The following APBB2 variants were observed in gnomAD, a reference collection of about 807,000 sequenced individuals.
APBB2 encodes Fe65-like 1.
A neutral mutation model predicts 82.5 loss-of-function variants in APBB2; 38 were observed. That is an observed-to-expected ratio of 0.46 (90% CI 0.36 to 0.60). APBB2 has a LOEUF of 0.60. Ranked by LOEUF, APBB2 falls within the 20% of genes least tolerant of loss-of-function variation. The pLI, the probability that APBB2 is intolerant of heterozygous loss-of-function variation, is 0.00. For missense variants in APBB2, 772 were observed against 972.3 expected (o/e 0.79, Z 2.74); for synonymous variants, 341 against 368.2 (o/e 0.93, Z 0.85).
chr4:40,936,876 G>T (rs1448972346), intron 7 of APBB2, among the ~76,000 whole-genome samples: 2 of 152,142 alleles, frequency 1.3e-5, no homozygotes, highest in Non-Finnish European at 2.9e-5. Flanking sequence ...GAGGAGCTAT[G>T]AACCCCTGAA....
chr4:41,180,931 G>A (rs1195748954), intron 1 of APBB2, among the ~76,000 whole-genome samples: 1 of 116,032 alleles, frequency 8.6e-6, no homozygotes, highest in Non-Finnish European at 1.8e-5. Flanking sequence ...ATGAACCCCT[G>A]AAAGAAGTCC....
chr4:40,843,563 AT>A, intron 12 of APBB2, among the ~76,000 whole-genome samples: 1 of 152,254 alleles, frequency 6.6e-6, no homozygotes, highest in Non-Finnish European at 1.5e-5. Flanking sequence ...TGGAAAGAGG[AT>A]TATGGAGGAT....
At chr4:41,086,883 G>T (rs1431755368) in intron 3 of APBB2, among the ~76,000 whole-genome samples, 1 of 151,582 alleles carries the variant, frequency 6.6e-6, no homozygotes, top group African/African-American at 2.4e-5. Flanking sequence ...TTTGTTTGCA[G>T]ATGACATAAT....
intron 7 of APBB2, among the ~76,000 whole-genome samples, chr4:40,941,902 G>A (rs1344014014): frequency 6.6e-6 from 1 of 152,202 alleles, no homozygotes; most frequent in Middle Eastern, 3.4e-3. Flanking sequence ...CTCCCAAAGA[G>A]CTGGGATTAC....
intron 1 of APBB2, among the ~76,000 whole-genome samples, chr4:41,160,285 G>T (rs76365003): frequency 1.3e-5 from 2 of 152,222 alleles, no homozygotes; most frequent in South Asian, 4.2e-4. Flanking sequence ...CTTATGAAGT[G>T]ATTAGTCAGA....
intron 10 of APBB2, among the ~76,000 whole-genome samples, chr4:40,896,784 A>C (rs1275872042): frequency 5.3e-5 from 8 of 152,152 alleles, no homozygotes; most frequent in African/African-American, 1.7e-4. Flanking sequence ...TAGACAATAA[A>C]TCATATGATC....
At chr4:40,917,929 G>C (rs1780241726) in intron 10 of APBB2, among the ~76,000 whole-genome samples, 1 of 152,238 alleles carries the variant, frequency 6.6e-6, no homozygotes, top group South Asian at 2.1e-4. Flanking sequence ...TGTTTTAACA[G>C]AGATGAATGG....
At chr4:40,852,028 T>G (rs921997934) in intron 12 of APBB2, among the ~76,000 whole-genome samples, 41 of 152,114 alleles carry the variant, frequency 2.7e-4, no homozygotes, top group African/African-American at 9.2e-4. Flanking sequence ...TATCAATTGT[T>G]GGAACTACAG....
At chr4:40,834,003 C>G (rs941350202) in intron 12 of APBB2, among the ~76,000 whole-genome samples, 1 of 152,180 alleles carries the variant, frequency 6.6e-6, no homozygotes, top group Non-Finnish European at 1.5e-5. Flanking sequence ...TCTTCATTTT[C>G]CTCTGGCGCA....
At chr4:41,115,434 AC>A in intron 2 of APBB2, among the ~76,000 whole-genome samples, 1 of 152,194 alleles carries the variant, frequency 6.6e-6, no homozygotes, top group East Asian at 1.9e-4. Context: ...TGACTAAAAC[AC>A]CAAAAGCAAT....
chr4:41,032,001 A>T (rs2154441781), intron 5 of APBB2, among the ~76,000 whole-genome samples: 1 of 152,232 alleles, frequency 6.6e-6, no homozygotes, highest in East Asian at 1.9e-4. Flanking sequence ...GTGTAAACTC[A>T]GGTTTGTCAT....
chr4:40,982,778 C>A (rs1799444538), intron 6 of APBB2, among the ~76,000 whole-genome samples: 3 of 133,882 alleles, frequency 2.2e-5, no homozygotes, highest in Admixed American at 7.7e-5. Flanking sequence ...GCAACAGAGA[C>A]CCTGTCTCAA....
intron 12 of APBB2, among the ~76,000 whole-genome samples, chr4:40,855,747 CA>C (rs1028494497): frequency 6.9e-6 from 1 of 145,260 alleles, no homozygotes; most frequent in Admixed American, 6.9e-5. Context: ...AAAAAAAAAA[CA>C]AAAAAAAGGA....
chr4:41,044,299 A>AAT (rs35994416), intron 4 of APBB2, among the ~76,000 whole-genome samples: 109,294 of 150,842 alleles, frequency 0.72, 39,520 homozygotes, highest in Non-Finnish European at 0.75. Context: ...CAGAACCAAT[A>AAT]TTTTTTTTAA....
chr4:40,912,905 T>C (rs1778924927), intron 10 of APBB2, among the ~76,000 whole-genome samples: 1 of 152,106 alleles, frequency 6.6e-6, no homozygotes, highest in Admixed American at 6.6e-5. Context: ...TCCCTGAAAG[T>C]GTGAGTGGTA....
chr4:41,052,110 G>A (rs1168005600), intron 4 of APBB2, among the ~76,000 whole-genome samples: 2 of 152,152 alleles, frequency 1.3e-5, no homozygotes, highest in African/African-American at 4.8e-5. Flanking sequence ...GGTCATGCCT[G>A]TAATCCCAGC....
intron 1 of APBB2, among the ~76,000 whole-genome samples, chr4:41,147,666 T>C (rs1761162784): frequency 6.6e-6 from 1 of 151,986 alleles, no homozygotes; most frequent in African/African-American, 2.4e-5. Flanking sequence ...AATTTTGTAG[T>C]TTTAGTAGAG....
At chr4:40,873,579 G>A (rs1766108237) in intron 12 of APBB2, among the ~76,000 whole-genome samples, 1 of 152,160 alleles carries the variant, frequency 6.6e-6, no homozygotes, top group Admixed American at 6.5e-5. Context: ...ATTTCACACC[G>A]TCCACTAGCT....
intron 2 of APBB2, among the ~76,000 whole-genome samples, chr4:41,116,232 C>G (rs977868344): frequency 6.6e-6 from 1 of 152,150 alleles, no homozygotes; most frequent in Non-Finnish European, 1.5e-5. Context: ...CCAAACACTG[C>G]ATGTTATCAC....
Sources: allele counts gnomAD v4.1 joint callset (sites outside exome capture counted in the v4.1 genomes callset), GRCh38; gene constraint gnomAD v4.1.1; transcripts MANE v1.5; gene names NCBI Gene and HGNC (gene_info 2026-07-23, HGNC 2026-07-21).